EYS: variants seen among roughly 807,000 people sequenced by gnomAD.
EYS encodes the protein protein eyes shut homolog.
A neutral mutation model predicts 282.1 loss-of-function variants in EYS; 250 were observed. The observed-to-expected ratio is 0.89, with a 90% CI of 0.80 to 0.98. EYS has a LOEUF of 0.98. Ranked by LOEUF, EYS falls within the 50% of genes least tolerant of loss-of-function variation. The pLI is 0.00. For missense variants in EYS, 4,016 were observed against 3,709.0 expected (o/e 1.08, Z -2.15); for synonymous variants, 1,355 against 1,282.9 (o/e 1.06, Z -1.20).
intron 30 of EYS, among the ~76,000 whole-genome samples, chr6:64,257,517 T>C (rs1371185608): frequency 6.6e-6 from 1 of 152,046 alleles, no homozygotes; most frequent in African/African-American, 2.4e-5. Context: ...GAATTATCTA[T>C]TTGTATCTGT....
At chr6:64,215,124 AATT>A (rs1765891584) in intron 31 of EYS, among the ~76,000 whole-genome samples, 1 of 151,958 alleles carries the variant, frequency 6.6e-6, no homozygotes, top group African/African-American at 2.4e-5. Flanking sequence ...GAGTTGCTTG[AATT>A]TCTTGAGAGT....
chr6:64,275,518 G>T (rs1034948510), intron 30 of EYS, among the ~76,000 whole-genome samples: 9 of 146,932 alleles, frequency 6.1e-5, no homozygotes, highest in Non-Finnish European at 1.3e-4. Flanking sequence ...CCGGGTTCAC[G>T]CCATTCTCCT....
At chr6:65,033,528 G>T (rs1377683743) in intron 13 of EYS, among the ~76,000 whole-genome samples, 1 of 152,080 alleles carries the variant, frequency 6.6e-6, no homozygotes, top group Admixed American at 6.6e-5. Context: ...TTCATCTGTG[G>T]CTCAAAGGGA....
intron 12 of EYS, among the ~76,000 whole-genome samples, chr6:65,248,526 T>G (rs1330025817): frequency 6.6e-6 from 1 of 152,068 alleles, no homozygotes; most frequent in Non-Finnish European, 1.5e-5. Context: ...GCAAGTTTTG[T>G]TTGCCTAGAG....
chr6:64,794,218 C>G (rs1010716116), intron 22 of EYS, among the ~76,000 whole-genome samples: 11 of 152,172 alleles, frequency 7.2e-5, no homozygotes, highest in African/African-American at 2.7e-4. Flanking sequence ...ATTAGGATCT[C>G]AAAGAGAATT....
At chr6:65,370,246 CTT>C (rs1204960550) in intron 8 of EYS, among the ~76,000 whole-genome samples, 3 of 142,630 alleles carry the variant, frequency 2.1e-5, no homozygotes, top group African/African-American at 5.2e-5. Flanking sequence ...CTATTTCTTT[CTT>C]TCTCTCTCTT....
chr6:64,840,652 G>T (rs985845045), intron 19 of EYS, among the ~76,000 whole-genome samples: 36 of 152,008 alleles, frequency 2.4e-4, no homozygotes, highest in Non-Finnish European at 3.8e-4. Context: ...AATCCATGGG[G>T]TATAGAATCA....
intron 26 of EYS, among the ~76,000 whole-genome samples, chr6:64,524,476 T>C (rs1251032184): frequency 3.3e-5 from 5 of 151,888 alleles, no homozygotes; most frequent in African/African-American, 1.2e-4. Context: ...GCTCTTAAGT[T>C]TAATTAGATC....
At chr6:63,855,629 TATG>T (rs1772371154) in intron 36 of EYS, among the ~76,000 whole-genome samples, 1 of 152,206 alleles carries the variant, frequency 6.6e-6, no homozygotes, top group African/African-American at 2.4e-5. Context: ...GCTCTGCAGA[TATG>T]ATGATGGCCG....
intron 22 of EYS, among the ~76,000 whole-genome samples, chr6:64,727,990 G>T (rs770832345): frequency 1.3e-5 from 2 of 152,226 alleles, no homozygotes; most frequent in Non-Finnish European, 2.9e-5. Flanking sequence ...ACCCCTTCAC[G>T]GGTGGAAACT....
In EYS at chr6:64,810,365, A is replaced by G. The variant is rs559100962; in HGVS notation, c.3443+3013T>C. Among the ~76,000 whole-genome samples the G allele has an allele frequency of 3.0e-4, 45 of 152,218 alleles. No homozygotes were observed. The South Asian group carries it at 9.3e-3, about 32-fold the overall frequency. On this transcript the variant is annotated intron_variant, in intron 22 of 42. Transcript: ENST00000503581. Reference sequence around the variant, plus strand: ...GAATTTATAACATATAGCATTCATGAAAAAAGACCATTCCTTGGTTTAATT... The same window carrying G: ...GAATTTATAACATATAGCATTCATGGAAAAAGACCATTCCTTGGTTTAATT...
chr6:63,951,802 T>A (rs1251986848), intron 35 of EYS, among the ~76,000 whole-genome samples: 1 of 152,164 alleles, frequency 6.6e-6, no homozygotes, highest in Non-Finnish European at 1.5e-5. Flanking sequence ...CCCAAATCAG[T>A]TAGCATTTAG....
At chr6:64,598,183 A>G (rs1562084429) in intron 24 of EYS, among the ~76,000 whole-genome samples, 1 of 152,232 alleles carries the variant, frequency 6.6e-6, no homozygotes, top group Non-Finnish European at 1.5e-5. Flanking sequence ...AGAAGGGGCC[A>G]GGCGTGGTGG....
At chr6:64,031,654 C>T (rs1769845221) in intron 33 of EYS, among the ~76,000 whole-genome samples, 2 of 152,152 alleles carry the variant, frequency 1.3e-5, no homozygotes, top group African/African-American at 2.4e-5. Flanking sequence ...CAATCAGCAC[C>T]CTGTGTCTAG....
intron 36 of EYS, among the ~76,000 whole-genome samples, chr6:63,842,225 A>C (rs1329497228): frequency 6.6e-6 from 1 of 152,184 alleles, no homozygotes; most frequent in South Asian, 2.1e-4. Flanking sequence ...CACTCCCACC[A>C]ACAGTGTAAA....
intron 31 of EYS, among the ~76,000 whole-genome samples, chr6:64,125,488 C>G (rs6908837): frequency 6.6e-6 from 1 of 151,590 alleles, no homozygotes; most frequent in Non-Finnish European, 1.5e-5. Context: ...GTTTAAAAGT[C>G]GTCAACTGTC....
intron 26 of EYS, among the ~76,000 whole-genome samples, chr6:64,529,063 C>T (rs2150530431): frequency 6.6e-6 from 1 of 152,056 alleles, no homozygotes; most frequent in African/African-American, 2.4e-5. Context: ...TGTATCCTCC[C>T]ATAAAACACT....
At chr6:64,569,813 C>T (rs563762821) in intron 26 of EYS, among the ~76,000 whole-genome samples, 3 of 152,192 alleles carry the variant, frequency 2.0e-5, no homozygotes, top group African/African-American at 4.8e-5. Flanking sequence ...ACCAAAACTT[C>T]GTTTAACTGG....
chr6:65,131,317 C>A (rs748697712), intron 12 of EYS, among the ~76,000 whole-genome samples: 12 of 151,758 alleles, frequency 7.9e-5, no homozygotes, highest in Non-Finnish European at 1.6e-4. Flanking sequence ...AAATTAACCA[C>A]ATAATCAGAT....
Sources: gnomAD v4.1 joint callset for allele counts (sites outside exome capture counted in the v4.1 genomes callset) on GRCh38, gnomAD v4.1.1 for gene constraint, MANE v1.5 for transcripts, NCBI Gene and HGNC (gene_info 2026-07-23, HGNC 2026-07-21) for gene names.